Variants in CCDC6 observed in about 807,000 individuals in gnomAD.
CCDC6 encodes the protein coiled-coil domain-containing protein 6.
In CCDC6, 20 loss-of-function variants were observed where a neutral mutation model predicts 56.6. The observed-to-expected ratio is 0.35, with a 90% CI of 0.25 to 0.51. CCDC6 has a LOEUF of 0.51. Ranked by LOEUF, CCDC6 falls within the 20% of genes least tolerant of loss-of-function variation. CCDC6 has a pLI of 0.95. For synonymous variants in CCDC6, 241 were observed against 234.4 expected (o/e 1.03, Z -0.26); for missense variants, 367 against 601.1 (o/e 0.61, Z 4.07).
intron 1 of CCDC6, among the ~76,000 whole-genome samples, chr10:59,873,626 A>C (rs2071251311): frequency 6.6e-6 from 1 of 152,140 alleles, no homozygotes; most frequent in African/African-American, 2.4e-5. Context: ...AACTCCCACC[A>C]CCAAAAAAAC....
chr10:59,814,805 G>T, intron 3 of CCDC6, 50 bp from the exon 4 acceptor site: 2 of 1,206,100 alleles, frequency 1.7e-6, no homozygotes, highest in Non-Finnish European at 1.2e-6. Context: ...CTTATACTTT[G>T]TTAATACATT....
chr10:59,798,270 T>C (rs767611817), intron 7 of CCDC6, among the ~76,000 whole-genome samples: 9 of 152,260 alleles, frequency 5.9e-5, no homozygotes, highest in Non-Finnish European at 1.2e-4. Flanking sequence ...CTCCACTTAC[T>C]GCTTTTCTGA....
chr10:59,809,357 G>A (rs539472653), intron 5 of CCDC6, among the ~76,000 whole-genome samples: 7 of 152,154 alleles, frequency 4.6e-5, no homozygotes, highest in South Asian at 4.1e-4. Flanking sequence ...TTAGCATCGG[G>A]GAACTCAGCA....
chr10:59,865,054 C>T (rs7072298), intron 1 of CCDC6, among the ~76,000 whole-genome samples: 29,902 of 152,156 alleles, frequency 0.2, 3,284 homozygotes, highest in African/African-American at 0.3. Flanking sequence ...GGAAGTTCTT[C>T]ACTGCCCTTG....
At chr10:59,865,788 G>A (rs1001095409) in intron 1 of CCDC6, among the ~76,000 whole-genome samples, 10 of 143,754 alleles carry the variant, frequency 7.0e-5, no homozygotes, top group African/African-American at 2.6e-4. Flanking sequence ...GGAGATAGAG[G>A]TTGCAGTGAT....
intron 1 of CCDC6, among the ~76,000 whole-genome samples, chr10:59,884,142 G>A (rs909621760): frequency 1.3e-5 from 2 of 152,134 alleles, no homozygotes; most frequent in African/African-American, 4.8e-5. Flanking sequence ...TTAAGCAAAA[G>A]AGGAGTTTAA....
chr10:59,832,760 A>G (rs1465897708), intron 2 of CCDC6, 107 bp from the exon 3 acceptor site: 2 of 1,223,946 alleles, frequency 1.6e-6, no homozygotes, highest in Admixed American at 4.7e-5. Context: ...CAAAAGTTAC[A>G]TTACCCATTT....
chr10:59,871,822 A>C (rs1010021332), intron 1 of CCDC6, among the ~76,000 whole-genome samples: 1 of 152,104 alleles, frequency 6.6e-6, no homozygotes, highest in African/African-American at 2.4e-5. Context: ...AATTCCCACT[A>C]AGTATTCCCC....
intron 3 of CCDC6, among the ~76,000 whole-genome samples, chr10:59,821,235 A>G (rs975621777): frequency 7.2e-5 from 11 of 152,228 alleles, no homozygotes; most frequent in African/African-American, 2.7e-4. Flanking sequence ...GAAGTGACTA[A>G]CAGAATTCAT....
intron 3 of CCDC6, among the ~76,000 whole-genome samples, chr10:59,827,885 T>C (rs1388484897): frequency 1.3e-5 from 2 of 152,200 alleles, no homozygotes; most frequent in Non-Finnish European, 2.9e-5. Flanking sequence ...TCCACGGATA[T>C]AGTGCCCTAT....
At chr10:59,873,108 C>T (rs541017908) in intron 1 of CCDC6, among the ~76,000 whole-genome samples, 68 of 152,272 alleles carry the variant, frequency 4.5e-4, no homozygotes, top group Non-Finnish European at 4.4e-4. Context: ...AATCCTCTGG[C>T]GGTGCTACAG....
Position 59,898,787 on chromosome 10 carries a change from T to A in CCDC6, c.303+7335A>T, listed in dbSNP as rs978805349. Among the ~76,000 whole-genome samples the A allele has an allele frequency of 1.2e-4, 18 of 152,224 alleles. 1 individual carries two copies. Among genetic ancestry groups the A allele is most frequent in the African/African-American group, 4.1e-4 (17 of 41,446 alleles). On this transcript the variant is annotated intron_variant, in intron 1 of 8. Coordinates refer to ENST00000263102, the MANE Select transcript of CCDC6 (RefSeq NM_005436.5). ...TTATTTTATTTATTACATGCCATTT[T>A]GTACCTTACTGAAGAAACAAAGGCG...
At position 59,862,501 on chromosome 10, in the gene CCDC6, G is replaced by GTATATATA. The variant is rs146237484; in HGVS notation, c.304-9807_304-9800dup. ...AGGTTCTGTCTCAAGAAAAAAAAAA[G>GTATATATA]TATATATATATATATACACACACAC... On this transcript the variant is annotated intron_variant, in intron 1 of 8. Transcript: ENST00000263102. Among the ~76,000 whole-genome samples, 57 of 85,034 alleles carry GTATATATA rather than the reference G, an allele frequency of 6.7e-4. 1 individual carries two copies. Among genetic ancestry groups the GTATATATA allele is most frequent in the Middle Eastern group, 5.7e-3 (1 of 176 alleles). The allele number at this position is 85,034 out of a possible 152,430, so 55.8% of individuals were successfully genotyped here.
chr10:59,792,937 G>A lies in CCDC6; in HGVS notation c.1405C>T (p.His469Tyr). ...SQPTPSQHSA[H>Y]PSSQP is the part of the protein sequence containing the mutation. ...ATGCATTAAGGCTGGGAGGAGGGGT[G>A]CGCCGAATGTTGCGAAGGAGTAGGC... The change falls in exon 9 of 9, where the codon CAC becomes TAC. Residue 469 changes from histidine (H) to tyrosine (Y), a missense_variant. His to Tyr is a moderately conservative substitution (Grantham distance 83). Transcript: ENST00000263102. 1 of 1,610,282 alleles carries A rather than the reference G, an allele frequency of 6.2e-7. No individual in the cohort carries two copies. The highest frequency in any genetic ancestry group is 8.5e-7 in the Non-Finnish European group (1 of 1,178,032).
intron 5 of CCDC6, among the ~76,000 whole-genome samples, chr10:59,808,571 C>T (rs1382107956): frequency 6.6e-6 from 1 of 152,154 alleles, no homozygotes; most frequent in African/African-American, 2.4e-5. Context: ...GTAAAATCTC[C>T]ATATACTTCT....
In CCDC6 at chr10:59,858,691, T is replaced by C. The variant is rs575031792; in HGVS notation, c.304-5989A>G. Reference sequence around the variant, plus strand: ...ACAGCTTTGCATACACACCTCATCATGTCAGTTCAAAAACACTCAACCTGG... The same window carrying C: ...ACAGCTTTGCATACACACCTCATCACGTCAGTTCAAAAACACTCAACCTGG... On this transcript the variant is annotated intron_variant, in intron 1 of 8. Transcript: ENST00000263102. 2.6e-5 allele frequency among the ~76,000 whole-genome samples: 4 copies of C among 152,310 alleles called. No individual in the cohort carries two copies. In the East Asian group the frequency reaches 5.8e-4, roughly 22 times the overall value.
intron 1 of CCDC6, among the ~76,000 whole-genome samples, chr10:59,855,435 T>A (rs2071073623): frequency 6.6e-6 from 1 of 152,068 alleles, no homozygotes; most frequent in East Asian, 1.9e-4. Context: ...AGCATGGTGG[T>A]GAGCGCCTGT....
chr10:59,875,663 T>C lies in CCDC6; in HGVS notation c.304-22961A>G, dbSNP rs3793875. 6.6e-4 allele frequency among the ~76,000 whole-genome samples: 101 copies of C among 152,264 alleles called. 2 individuals carry two copies. In the East Asian group the frequency reaches 0.017, roughly 26 times the overall value. On this transcript the variant is annotated intron_variant, in intron 1 of 8. Transcript: ENST00000263102. The stretch of plus-strand genomic sequence containing the variant: ...ATTCTCTAGTTACAACATGGCAAAG[T>C]TTGAGTTAGTGGTCTGCGCCGATGC...
chr10:59,894,649 G>A (rs1212401525), intron 1 of CCDC6, among the ~76,000 whole-genome samples: 1 of 151,852 alleles, frequency 6.6e-6, no homozygotes, highest in Non-Finnish European at 1.5e-5. Context: ...TAAATGCAAA[G>A]GAAGAAACTG....
Sources: gnomAD v4.1 joint callset for allele counts (sites outside exome capture counted in the v4.1 genomes callset) on GRCh38, gnomAD v4.1.1 for gene constraint, MANE v1.5 for transcripts, NCBI Gene and HGNC (gene_info 2026-07-23, HGNC 2026-07-21) for gene names.